EPHA3: variants seen among roughly 807,000 people sequenced by gnomAD.
EPHA3 encodes ephrin type-A receptor 3.
EPHA3 carries 42 observed loss-of-function variants against 107.1 expected under a neutral mutation model. The observed-to-expected ratio is 0.39, with a 90% CI of 0.31 to 0.51. The LOEUF is 0.51. EPHA3 is among the 20% of genes least tolerant of loss of function. The pLI is 0.78. For missense variants in EPHA3, 1,183 were observed against 1,211.2 expected (o/e 0.98, Z 0.35); for synonymous variants, 461 against 424.8 (o/e 1.09, Z -1.05).
At chr3:89,451,714 T>TA (rs1355597599) in intron 15 of EPHA3, among the ~76,000 whole-genome samples, 7 of 152,166 alleles carry the variant, frequency 4.6e-5, no homozygotes, top group Admixed American at 4.6e-4. Context: ...GCATAACCAG[T>TA]TGCTTCTCAA....
intron 9 of EPHA3, 114 bp downstream of exon 9, chr3:89,408,245 GA>G: frequency 2.2e-6 from 2 of 907,240 alleles, no homozygotes; most frequent in Non-Finnish European, 3.5e-6. Flanking sequence ...TAGTTTTATG[GA>G]AAAACTGAGT....
At chr3:89,288,644 A>G (rs1033592306) in intron 3 of EPHA3, among the ~76,000 whole-genome samples, 17 of 152,098 alleles carry the variant, frequency 1.1e-4, no homozygotes, top group Admixed American at 9.8e-4. Flanking sequence ...AATCCAAGTA[A>G]ATATTCCCAT....
chr3:89,391,661 C>T (rs2107499268), intron 5 of EPHA3, among the ~76,000 whole-genome samples: 1 of 151,706 alleles, frequency 6.6e-6, no homozygotes, highest in South Asian at 2.1e-4. Flanking sequence ...TCTCCATCTC[C>T]TGACCTCATG....
At chr3:89,387,966 A>T (rs760752674) in intron 5 of EPHA3, among the ~76,000 whole-genome samples, 1 of 152,154 alleles carries the variant, frequency 6.6e-6, no homozygotes, top group Non-Finnish European at 1.5e-5. Flanking sequence ...TCTTGTGTAT[A>T]CTGTTATCAA....
chr3:89,238,561 T>G (rs1198627475), intron 3 of EPHA3, among the ~76,000 whole-genome samples: 2 of 152,240 alleles, frequency 1.3e-5, no homozygotes, highest in Non-Finnish European at 2.9e-5. Context: ...TTCTTGAGTT[T>G]AACATCTCTT....
intron 5 of EPHA3, among the ~76,000 whole-genome samples, chr3:89,382,305 C>T (rs954266912): frequency 1.2e-4 from 18 of 152,038 alleles, no homozygotes; most frequent in Admixed American, 1.1e-3. Flanking sequence ...GTCAAGATTT[C>T]ATTACCAGCC....
At chr3:89,428,404 A>G (rs1709498619) in intron 11 of EPHA3, among the ~76,000 whole-genome samples, 1 of 152,070 alleles carries the variant, frequency 6.6e-6, no homozygotes, top group Non-Finnish European at 1.5e-5. Context: ...AATACATTAA[A>G]ATGCTGGGTT....
chr3:89,307,558 G>A (rs1706653899), intron 3 of EPHA3, among the ~76,000 whole-genome samples: 1 of 152,014 alleles, frequency 6.6e-6, no homozygotes, highest in African/African-American at 2.4e-5. Context: ...GTTGGATTAG[G>A]ATCATCTCTC....
Position 89,199,333 on chromosome 3 carries a change from A to G in EPHA3, c.154-10527A>G, listed in dbSNP as rs1705914448. 2.6e-5 allele frequency among the ~76,000 whole-genome samples: 4 copies of G among 152,304 alleles called. No homozygotes were observed. The South Asian group carries it at 8.3e-4, about 32-fold the overall frequency. On this transcript the variant is annotated intron_variant, in intron 2 of 16. Transcript: ENST00000336596. ...AATAAGTGTCCTTTACATTATAAGT[A>G]AACATATTTCACCATTTAAAAACCA...
intron 5 of EPHA3, among the ~76,000 whole-genome samples, chr3:89,353,445 A>G (rs554411119): frequency 6.6e-6 from 1 of 151,522 alleles, no homozygotes; most frequent in Non-Finnish European, 1.5e-5. Flanking sequence ...TAAAAATCAA[A>G]GTCTTAACAT....
intron 3 of EPHA3, among the ~76,000 whole-genome samples, chr3:89,289,832 T>C (rs1706171877): frequency 6.6e-6 from 1 of 152,092 alleles, no homozygotes; most frequent in Non-Finnish European, 1.5e-5. Flanking sequence ...TCTTCCTTTG[T>C]TTCCACTCAG....
intron 11 of EPHA3, among the ~76,000 whole-genome samples, chr3:89,423,797 A>G (rs1355636919): frequency 6.6e-6 from 1 of 151,472 alleles, no homozygotes; most frequent in African/African-American, 2.4e-5. Context: ...AAAGTGTGGT[A>G]TTGTGTATTT....
At chr3:89,474,756 T>G (rs1013379973) in intron 16 of EPHA3, among the ~76,000 whole-genome samples, 7 of 152,244 alleles carry the variant, frequency 4.6e-5, no homozygotes, top group Non-Finnish European at 1.0e-4. Flanking sequence ...AAAAAGTGAA[T>G]GACAGCATTT....
At chr3:89,367,133 A>T (rs1708200916) in intron 5 of EPHA3, among the ~76,000 whole-genome samples, 1 of 150,778 alleles carries the variant, frequency 6.6e-6, no homozygotes, top group African/African-American at 2.4e-5. Context: ...AAAGCTCTCC[A>T]TGAACTGTTT....
chr3:89,403,424 G>T (rs1015464195), intron 7 of EPHA3, among the ~76,000 whole-genome samples: 1 of 151,892 alleles, frequency 6.6e-6, no homozygotes, highest in Admixed American at 6.6e-5. Context: ...GTTTACATAT[G>T]TAGTCAGATG....
chr3:89,263,176 T>A (rs1705461564), intron 3 of EPHA3, among the ~76,000 whole-genome samples: 1 of 151,864 alleles, frequency 6.6e-6, no homozygotes, highest in African/African-American at 2.4e-5. Flanking sequence ...TGTGTCCATG[T>A]GTTCTCTCAC....
intron 2 of EPHA3, among the ~76,000 whole-genome samples, chr3:89,157,171 G>A (rs574459696): frequency 3.3e-5 from 5 of 152,152 alleles, no homozygotes; most frequent in East Asian, 1.9e-4. Flanking sequence ...ATGGTAGTGC[G>A]ATCCAGTGTT....
intron 3 of EPHA3, among the ~76,000 whole-genome samples, chr3:89,336,490 T>C (rs1707395338): frequency 6.6e-6 from 1 of 152,154 alleles, no homozygotes; most frequent in African/African-American, 2.4e-5. Context: ...AATTTAAAAA[T>C]TGGCTTGTTA....
At chr3:89,344,061 T>A (rs1707590481) in intron 5 of EPHA3, among the ~76,000 whole-genome samples, 1 of 152,194 alleles carries the variant, frequency 6.6e-6, no homozygotes, top group Admixed American at 6.5e-5. Flanking sequence ...TCCGGAGCGC[T>A]ATATTTCAAG....
Sources: gnomAD v4.1 joint callset for allele counts (sites outside exome capture counted in the v4.1 genomes callset) on GRCh38, gnomAD v4.1.1 for gene constraint, MANE v1.5 for transcripts, NCBI Gene and HGNC (gene_info 2026-07-23, HGNC 2026-07-21) for gene names.